The following DYSF variants were observed in gnomAD, a reference collection of about 807,000 sequenced individuals.
The protein encoded by DYSF is dysferlin.
In DYSF, 212 loss-of-function variants were observed where a neutral mutation model predicts 274.9. That is an observed-to-expected ratio of 0.77 (90% CI 0.69 to 0.86). The LOEUF (loss-of-function observed/expected upper bound fraction) is 0.86, where lower values mean the gene tolerates loss of function less well. DYSF is among the 40% of genes least tolerant of loss of function. The pLI is 0.00. For synonymous variants in DYSF, 1,091 were observed against 1,078.7 expected (o/e 1.01, Z -0.22); for missense variants, 2,666 against 2,783.2 (o/e 0.96, Z 0.95).
intron 51 of DYSF, among the ~76,000 whole-genome samples, chr2:71,672,987 T>C (rs1215488981): frequency 6.6e-6 from 1 of 152,148 alleles, no homozygotes; most frequent in African/African-American, 2.4e-5. Flanking sequence ...GGGAGCTCAC[T>C]GGGATTTCCG....
chr2:71,613,681 G>A (rs1288850590), intron 40 of DYSF, among the ~76,000 whole-genome samples: 1 of 151,830 alleles, frequency 6.6e-6, no homozygotes, highest in African/African-American at 2.4e-5. Flanking sequence ...GGGCCATGGT[G>A]AGGGCTTTCT....
At chr2:71,590,078 C>T (rs921215042) in intron 31 of DYSF, 133 bp from the exon 32 acceptor site, 5 of 845,160 alleles carry the variant, frequency 5.9e-6, no homozygotes, top group Non-Finnish European at 1.0e-5. Context: ...CGCACAGTGG[C>T]CTGTGTGGTT....
chr2:71,529,799 T>C (rs563205433), intron 14 of DYSF, among the ~76,000 whole-genome samples: 7 of 152,392 alleles, frequency 4.6e-5, no homozygotes, highest in Non-Finnish European at 8.8e-5. Flanking sequence ...GGTGATTTTC[T>C]CATTATCATT....
At chr2:71,510,336 TTTC>T (rs1442826340) in intron 4 of DYSF, among the ~76,000 whole-genome samples, 1 of 152,158 alleles carries the variant, frequency 6.6e-6, no homozygotes, top group East Asian at 1.9e-4. Context: ...AGGGGAGGAC[TTTC>T]TTCTTTTCCC....
intron 1 of DYSF, among the ~76,000 whole-genome samples, chr2:71,454,903 C>T (rs960358258): frequency 6.6e-6 from 1 of 152,278 alleles, no homozygotes; most frequent in Admixed American, 6.5e-5. Context: ...AGGATCTACA[C>T]AGCTGGGTCT....
At chr2:71,550,388 T>C (rs2090846318) in intron 17 of DYSF, among the ~76,000 whole-genome samples, 1 of 151,744 alleles carries the variant, frequency 6.6e-6, no homozygotes, top group African/African-American at 2.4e-5. Context: ...ACCTGCTCTG[T>C]TAAAAAATTG....
At chr2:71,670,446 C>A (rs1175556158) in intron 51 of DYSF, among the ~76,000 whole-genome samples, 2 of 152,228 alleles carry the variant, frequency 1.3e-5, no homozygotes, top group Admixed American at 1.3e-4. Context: ...TTGGCTAAGT[C>A]TTTCTCATAT....
At chr2:71,597,635 C>T (rs1280431519) in intron 32 of DYSF, among the ~76,000 whole-genome samples, 1 of 152,168 alleles carries the variant, frequency 6.6e-6, no homozygotes, top group Non-Finnish European at 1.5e-5. Flanking sequence ...CTAGAGTCTG[C>T]TCTAGTGACA....
intron 30 of DYSF, among the ~76,000 whole-genome samples, chr2:71,580,654 ACT>A (rs994171666): frequency 2.8e-4 from 42 of 151,926 alleles, no homozygotes; most frequent in African/African-American, 9.4e-4. Flanking sequence ...GGATCTCTGG[ACT>A]CTGTTTCTTG....
chr2:71,533,360 G>A (rs1230329906), intron 14 of DYSF, among the ~76,000 whole-genome samples: 3 of 152,208 alleles, frequency 2.0e-5, no homozygotes, highest in African/African-American at 7.2e-5. Flanking sequence ...ACAAATGGCT[G>A]CACATCACAC....
At chr2:71,685,361 G>A (rs1322768433) in intron 55 of DYSF, among the ~76,000 whole-genome samples, 1 of 152,214 alleles carries the variant, frequency 6.6e-6, no homozygotes, top group Non-Finnish European at 1.5e-5. Flanking sequence ...AGGGGTCTAG[G>A]GATGAAGGGG....
chr2:71,497,056 A>G (rs1301683836), intron 3 of DYSF, among the ~76,000 whole-genome samples: 2 of 152,218 alleles, frequency 1.3e-5, no homozygotes, highest in Admixed American at 1.3e-4. Flanking sequence ...GGTGGACTGA[A>G]CTAATAACAG....
At chr2:71,481,144 G>A (rs1218496886) in intron 2 of DYSF, among the ~76,000 whole-genome samples, 2 of 152,170 alleles carry the variant, frequency 1.3e-5, no homozygotes, top group Non-Finnish European at 1.5e-5. Flanking sequence ...TAAATGGAGG[G>A]GAGCTAGATA....
intron 17 of DYSF, among the ~76,000 whole-genome samples, chr2:71,547,505 G>T (rs1029750358): frequency 6.6e-6 from 1 of 152,154 alleles, no homozygotes; most frequent in Non-Finnish European, 1.5e-5. Context: ...AGAAATAGGT[G>T]GTGGTGGGCA....
intron 17 of DYSF, among the ~76,000 whole-genome samples, chr2:71,546,821 G>A (rs1013311920): frequency 3.9e-5 from 6 of 152,242 alleles, no homozygotes; most frequent in Admixed American, 1.3e-4. Context: ...GCAGCCAGCC[G>A]CCATGGGCTT....
At chr2:71,558,278 G>A (rs2091473124) in intron 22 of DYSF, among the ~76,000 whole-genome samples, 1 of 152,126 alleles carries the variant, frequency 6.6e-6, no homozygotes. Flanking sequence ...GCAGGAGGAG[G>A]AGCCAGTTGA....
chr2:71,571,448 GCACACACACAGATCACACCCAGCA>G (rs2092441552), intron 29 of DYSF, among the ~76,000 whole-genome samples: 1 of 74,028 alleles, frequency 1.4e-5, no homozygotes, highest in East Asian at 9.1e-4. Context: ...ATCACACCCA[GCACACACACAGATCACACCCAGCA>G]CACACACATC....
intron 3 of DYSF, among the ~76,000 whole-genome samples, chr2:71,494,024 C>T (rs765285191): frequency 6.6e-5 from 10 of 152,102 alleles, no homozygotes; most frequent in Non-Finnish European, 1.3e-4. Context: ...GGCAGATGTT[C>T]TTGCAGAAGT....
chr2:71,613,398 C>A lies in DYSF; in HGVS notation c.4452C>A (p.Leu1484=). The A allele has an allele frequency of 6.2e-7, 1 of 1,612,894 alleles. No individual in the cohort carries two copies. The highest frequency in any genetic ancestry group is 1.7e-4 in the Middle Eastern group (1 of 6,060). The stretch of plus-strand genomic sequence containing the variant: ...TCGACATTGATGACAAGGAGCCCCT[C>A]ATCCCCATCCAGGTAGGATGGGCAT... ...VLIDIDDKEP[L]IPIQLADGLS... Residue 1484 remains leucine, a synonymous_variant, in exon 40 of 56, where the codon CTC becomes CTA. Transcript: ENST00000410020.
Sources: allele counts gnomAD v4.1 joint callset (sites outside exome capture counted in the v4.1 genomes callset), GRCh38; gene constraint gnomAD v4.1.1; transcripts MANE v1.5; gene names NCBI Gene and HGNC (gene_info 2026-07-23, HGNC 2026-07-21).